The following FBN1 variants were observed in gnomAD, a reference collection of about 807,000 sequenced individuals.
The protein encoded by FBN1 is fibrillin-1.
Under a neutral mutation model 365.1 loss-of-function variants are expected in FBN1, and 29 were observed. That is an observed-to-expected ratio of 0.08 (90% CI 0.06 to 0.11). The LOEUF (loss-of-function observed/expected upper bound fraction) is 0.11. FBN1 is among the 10% of genes least tolerant of loss of function. The pLI is 1.00. For synonymous variants in FBN1, 1,210 were observed against 1,270.5 expected (o/e 0.95, Z 1.01); for missense variants, 2,476 against 3,703.2 (o/e 0.67, Z 8.60).
intron 6 of FBN1, among the ~76,000 whole-genome samples, chr15:48,587,687 A>C (rs905329878): frequency 1.3e-5 from 2 of 152,110 alleles, no homozygotes; most frequent in Non-Finnish European, 2.9e-5. Flanking sequence ...TTTCCAATAT[A>C]GTATGCATGT....
At chr15:48,614,538 C>A (rs557856955) in intron 2 of FBN1, among the ~76,000 whole-genome samples, 19 of 152,138 alleles carry the variant, frequency 1.2e-4, no homozygotes, top group Non-Finnish European at 7.3e-5. Flanking sequence ...GAACACCCTG[C>A]AGGGCACCAC....
intron 8 of FBN1, among the ~76,000 whole-genome samples, chr15:48,528,498 A>G (rs2043936597): frequency 6.6e-6 from 1 of 152,212 alleles, no homozygotes; most frequent in African/African-American, 2.4e-5. Flanking sequence ...CGCCTCTTGC[A>G]TTACACTGAG....
intron 52 of FBN1, 109 bp from the exon 53 acceptor site, chr15:48,437,186 A>G: frequency 9.0e-7 from 1 of 1,105,404 alleles, no homozygotes; most frequent in South Asian, 1.3e-5. Flanking sequence ...ATGCAATAAT[A>G]TAATTGCTAT....
rs575875276 is a variant in FBN1, at chr15:48,428,667, G to T, written c.6872-196C>A. The stretch of plus-strand genomic sequence containing the variant: ...ATCTTTCCTTCTTAACTTAGCTTTT[G>T]AATCACTAATCTGTTCACATGGCTC... On this transcript the variant is annotated intron_variant, in intron 56 of 65. Coordinates refer to ENST00000316623, the MANE Select transcript of FBN1 (RefSeq NM_000138.5). Among the ~76,000 whole-genome samples, 5 of 148,114 alleles carry T rather than the reference G, an allele frequency of 3.4e-5. No individual in the cohort carries two copies. The East Asian group carries it at 8.2e-4, about 24-fold the overall frequency.
In FBN1 at chr15:48,537,640, A is replaced by T; in HGVS notation, c.707T>A (p.Ile236Asn). Residue 236 changes from isoleucine (I) to asparagine (N), a missense_variant, in exon 7 of 66, where the codon ATT becomes AAT. Transcript: ENST00000316623. ...AQPHPCRRGFIPNIRTGACQD... is the reference protein window; with the variant it reads ...AQPHPCRRGFNPNIRTGACQD... ...ACAAGCTCCCGTGCGGATATTTGGA[A>T]TGAAGCCACGGCGGCAGGGGTGAGG... 1 of 1,614,220 alleles carries T rather than the reference A, an allele frequency of 6.2e-7. No individual in the cohort carries two copies. Among genetic ancestry groups the T allele is most frequent in the South Asian group, 1.1e-5 (1 of 91,084 alleles).
chr15:48,560,617 A>G (rs2044215970), intron 6 of FBN1, among the ~76,000 whole-genome samples: 1 of 152,178 alleles, frequency 6.6e-6, no homozygotes, highest in Non-Finnish European at 1.5e-5. Flanking sequence ...TGGCTTTGTA[A>G]GTATTCCTCG....
chr15:48,597,392 C>T, intron 5 of FBN1, among the ~76,000 whole-genome samples: 1 of 152,162 alleles, frequency 6.6e-6, no homozygotes, highest in East Asian at 1.9e-4. Flanking sequence ...CTATTTCCAC[C>T]CATCATGGAA....
intron 8 of FBN1, among the ~76,000 whole-genome samples, chr15:48,532,063 G>C (rs1352769853): frequency 6.6e-6 from 1 of 152,124 alleles, no homozygotes; most frequent in Non-Finnish European, 1.5e-5. Flanking sequence ...CACCATAATA[G>C]GTTTCTTAGC....
rs2043744158 is a variant in FBN1 at position 48,509,893 on chromosome 15, A to G, written c.1714+151T>C. On this transcript the variant is annotated intron_variant, in intron 14 of 65. Coordinates refer to ENST00000316623, the MANE Select transcript of FBN1 (RefSeq NM_000138.5). Reference sequence around the variant, plus strand: ...CACACAAATGTAAATTAAGAAATGAATATCATGGAAAATTAGGCTTCCTTT... The same window carrying G: ...CACACAAATGTAAATTAAGAAATGAGTATCATGGAAAATTAGGCTTCCTTT... 7.6e-6 allele frequency: 6 copies of G among 794,448 alleles called. No homozygotes were observed. The Middle Eastern group carries it at 9.3e-4, about 123-fold the overall frequency. 49.2% of individuals were successfully genotyped at this position (794,448 alleles called of 1,614,324 possible).
intron 6 of FBN1, among the ~76,000 whole-genome samples, chr15:48,567,999 A>G (rs116104015): frequency 8.1e-4 from 24 of 29,614 alleles, no homozygotes; most frequent in African/African-American, 2.6e-3. Context: ...GTATACAGAT[A>G]AGAAAGAAAG....
chr15:48,598,125 T>G (rs2044530024), intron 5 of FBN1, among the ~76,000 whole-genome samples: 1 of 152,168 alleles, frequency 6.6e-6, no homozygotes, highest in Non-Finnish European at 1.5e-5. Context: ...TAAACCTTCG[T>G]AAGTGAAGGG....
At chr15:48,595,037 C>T (rs56035452) in intron 6 of FBN1, among the ~76,000 whole-genome samples, 1,916 of 152,286 alleles carry the variant, frequency 0.013, 40 homozygotes, top group African/African-American at 0.044. Context: ...AGGATATCAA[C>T]ATGCAATGTA....
chr15:48,540,776 A>G (rs1008639649), intron 6 of FBN1, among the ~76,000 whole-genome samples: 1 of 152,206 alleles, frequency 6.6e-6, no homozygotes, highest in African/African-American at 2.4e-5. Context: ...TAATTTACTG[A>G]GACAAGTGCA....
intron 12 of FBN1, among the ~76,000 whole-genome samples, chr15:48,515,024 G>T (rs1035682551): frequency 2.6e-5 from 4 of 152,178 alleles, no homozygotes; most frequent in African/African-American, 9.7e-5. Flanking sequence ...TGTGGAAGAG[G>T]GAATTGCAAG....
chr15:48,498,722 C>T (rs1333920590), intron 18 of FBN1, among the ~76,000 whole-genome samples: 3 of 152,124 alleles, frequency 2.0e-5, no homozygotes, highest in East Asian at 3.9e-4. Flanking sequence ...ACATCATCTG[C>T]GAGCACCCAT....
intron 49 of FBN1, among the ~76,000 whole-genome samples, chr15:48,444,209 T>A (rs2043136986): frequency 6.6e-6 from 1 of 152,182 alleles, no homozygotes; most frequent in Non-Finnish European, 1.5e-5. Context: ...GGAGCTATTT[T>A]TAGCTGCAAA....
At chr15:48,439,339 C>T (rs917737315) in intron 50 of FBN1, among the ~76,000 whole-genome samples, 1 of 152,236 alleles carries the variant, frequency 6.6e-6, no homozygotes, top group African/African-American at 2.4e-5. Flanking sequence ...AAGCACCTTT[C>T]AATGAATTAT....
intron 6 of FBN1, among the ~76,000 whole-genome samples, chr15:48,591,881 A>G (rs2044480106): frequency 6.6e-6 from 1 of 152,138 alleles, no homozygotes; most frequent in Non-Finnish European, 1.5e-5. Flanking sequence ...CAGGCTTAGG[A>G]GCCAGAATGT....
At chr15:48,601,334 G>T (rs1467191473) in intron 4 of FBN1, among the ~76,000 whole-genome samples, 1 of 152,134 alleles carries the variant, frequency 6.6e-6, no homozygotes, top group African/African-American at 2.4e-5. Context: ...AAAATCCTAG[G>T]CTATTTCCTA....
Sources: gnomAD v4.1 joint callset for allele counts (sites outside exome capture counted in the v4.1 genomes callset) on GRCh38, gnomAD v4.1.1 for gene constraint, MANE v1.5 for transcripts, NCBI Gene and HGNC (gene_info 2026-07-23, HGNC 2026-07-21) for gene names.